RAB1A: variants seen among roughly 807,000 people sequenced by gnomAD.
The protein encoded by RAB1A is ras-related protein Rab-1A.
RAB1A carries 2 observed loss-of-function variants against 26.0 expected under a neutral mutation model. The ratio of observed to expected loss-of-function variants is 0.08; its 90% CI spans 0.03 to 0.24. The LOEUF (loss-of-function observed/expected upper bound fraction) is 0.24, where lower values mean the gene tolerates loss of function less well. Among genes scored for constraint, RAB1A ranks in the 10% least tolerant of loss-of-function variants. The pLI is 1.00. For synonymous variants in RAB1A, 84 were observed against 84.9 expected (o/e 0.99, Z 0.06); for missense variants, 100 against 247.0 (o/e 0.40, Z 3.99).
chr2:65,103,891 G>C (rs1430583936), intron 2 of RAB1A, among the ~76,000 whole-genome samples: 1 of 151,892 alleles, frequency 6.6e-6, no homozygotes, highest in Non-Finnish European at 1.5e-5. Context: ...CGATTCTCCT[G>C]CCTCAGCCTC....
At chr2:65,115,354 C>T (rs1321826355) in intron 1 of RAB1A, among the ~76,000 whole-genome samples, 2 of 152,082 alleles carry the variant, frequency 1.3e-5, no homozygotes, top group Non-Finnish European at 2.9e-5. Flanking sequence ...ATTTTAATAA[C>T]CTTTAGGGGG....
At chr2:65,100,698 G>A (rs932925150) in intron 2 of RAB1A, among the ~76,000 whole-genome samples, 1 of 150,286 alleles carries the variant, frequency 6.7e-6, no homozygotes, top group Non-Finnish European at 1.5e-5. Context: ...GGTGGAGGCT[G>A]CAGTGAGCCG....
chr2:65,109,961 C>T (rs1231017808), intron 1 of RAB1A, among the ~76,000 whole-genome samples: 3 of 152,112 alleles, frequency 2.0e-5, no homozygotes, highest in Admixed American at 1.3e-4. Flanking sequence ...TCTACGTATA[C>T]AAGGATCTAG....
intron 1 of RAB1A, chr2:65,105,511 C>CAAAAAAAAAAAA (rs60594101): frequency 1.5e-4 from 5 of 33,028 alleles, no homozygotes; most frequent in African/African-American, 5.1e-4. Flanking sequence ...AACTCTGTCT[C>CAAAAAAAAAAAA]AAAAAAAAAA....
At chr2:65,115,358 T>C (rs1421630581) in intron 1 of RAB1A, among the ~76,000 whole-genome samples, 1 of 152,188 alleles carries the variant, frequency 6.6e-6, no homozygotes, top group African/African-American at 2.4e-5. Context: ...TAATAACCTT[T>C]AGGGGGTGAA....
chr2:65,089,341 T>C (rs1042871931), intron 4 of RAB1A, among the ~76,000 whole-genome samples: 6 of 151,962 alleles, frequency 3.9e-5, no homozygotes, highest in African/African-American at 1.2e-4. Flanking sequence ...GCCTCCGGGA[T>C]AGCTGGGACT....
At chr2:65,127,794 C>T (rs924874478) in intron 1 of RAB1A, among the ~76,000 whole-genome samples, 2 of 152,052 alleles carry the variant, frequency 1.3e-5, no homozygotes, top group Non-Finnish European at 2.9e-5. Context: ...AGTGCAGTGG[C>T]CAGATCTTGG....
chr2:65,093,682 G>A (rs891965183), intron 3 of RAB1A, among the ~76,000 whole-genome samples: 1 of 150,992 alleles, frequency 6.6e-6, no homozygotes, highest in Non-Finnish European at 1.5e-5. Flanking sequence ...GAGTGCAATG[G>A]CGCAATCTTG....
intron 1 of RAB1A, among the ~76,000 whole-genome samples, chr2:65,111,609 A>G (rs1408443148): frequency 6.6e-6 from 1 of 152,350 alleles, no homozygotes; most frequent in East Asian, 1.9e-4. Context: ...TTAAGTCTAT[A>G]GTTAACACTG....
rs111338283 is a variant in RAB1A, at chr2:65,128,989, AC to A, written c.23+903del. Reference sequence around the variant, plus strand: ...AAAAGAAATGCATTAACTTTTCATGACACGTCATGGAACCTCATTCCCTATC... The same window carrying A: ...AAAAGAAATGCATTAACTTTTCATGAACGTCATGGAACCTCATTCCCTATC... On this transcript the variant is annotated intron_variant, in intron 1 of 5. Coordinates refer to ENST00000409784, the MANE Select transcript of RAB1A (RefSeq NM_004161.5). Among the ~76,000 whole-genome samples the A allele has an allele frequency of 4.3e-3, 650 of 152,252 alleles. 4 individuals carry two copies. The highest frequency in any genetic ancestry group is 0.015 in the African/African-American group (626 of 41,542).
At chr2:65,110,727 A>G (rs925249478) in intron 1 of RAB1A, among the ~76,000 whole-genome samples, 1 of 151,856 alleles carries the variant, frequency 6.6e-6, no homozygotes, top group Non-Finnish European at 1.5e-5. Flanking sequence ...TGAGGCCAGA[A>G]GTTCAAGACC....
At position 65,086,868 on chromosome 2, in the gene RAB1A, T is replaced by A. The variant is rs1242203669; in HGVS notation, c.*1625A>T. 6.6e-6 allele frequency: 1 copy of A among 152,670 alleles called. No homozygotes were observed. Among genetic ancestry groups the A allele is most frequent in the African/African-American group, 2.4e-5 (1 of 41,470 alleles). The allele number at this position is 152,670 out of a possible 1,614,324, so 9.5% of individuals were successfully genotyped here. On this transcript the variant is annotated 3_prime_UTR_variant, in exon 6 of 6. Transcript: ENST00000409784. The stretch of plus-strand genomic sequence containing the variant: ...CACGCCTATAATACAAAGTAAACTA[T>A]GATTTTTATTGTGAAATTTTCATAG...
At chr2:65,107,581 G>A (rs1262877481) in intron 1 of RAB1A, among the ~76,000 whole-genome samples, 1 of 151,984 alleles carries the variant, frequency 6.6e-6, no homozygotes, top group Non-Finnish European at 1.5e-5. Flanking sequence ...CTGCCTCCAG[G>A]TGTTCAAGTG....
rs186577409 is a variant in RAB1A at position 65,104,791 on chromosome 2, C to T, written c.39G>A (p.Lys13=). Residue 13 remains lysine (K), a synonymous_variant, in exon 2 of 6, where the codon AAG becomes AAA. Transcript: ENST00000409784. The part of the protein sequence containing the change: ...SMNPEYDYLF[K]LLLIGDSGVG... ...CCCCTGAGTCGCCAATCAGAAGTAA[C>T]TTGAATAAATAATCACTGCAAAAAG... The T allele has an allele frequency of 6.8e-6, 11 of 1,609,166 alleles. No individual in the cohort carries two copies. The Admixed American group carries it at 1.5e-4, about 22-fold the overall frequency.
chr2:65,104,801 T>C lies in RAB1A; in HGVS notation c.29A>G (p.Tyr10Cys). MSSMNPEYD[Y>C]LFKLLLIGDS... is the part of the protein sequence containing the mutation. ...GCCAATCAGAAGTAACTTGAATAAA[T>C]AATCACTGCAAAAAGAAAAAGAAAA... Residue 10 changes from tyrosine to cysteine, a missense_variant, in exon 2 of 6, where the codon TAT (tyrosine) becomes TGT (cysteine). Tyr to Cys is a radical substitution (Grantham distance 194). Coordinates refer to ENST00000409784, the MANE Select transcript of RAB1A (RefSeq NM_004161.5). 1 of 1,608,906 alleles carries C rather than the reference T, an allele frequency of 6.2e-7. No individual in the cohort carries two copies. The highest frequency in any genetic ancestry group is 8.5e-7 in the Non-Finnish European group (1 of 1,175,776).
chr2:65,112,620 A>C (rs1330306422), intron 1 of RAB1A, among the ~76,000 whole-genome samples: 2 of 152,212 alleles, frequency 1.3e-5, no homozygotes, highest in African/African-American at 4.8e-5. Flanking sequence ...CAGATATTTT[A>C]TTTTAATTTA....
intron 4 of RAB1A, among the ~76,000 whole-genome samples, chr2:65,090,199 C>T (rs1354820936): frequency 4.6e-5 from 7 of 152,136 alleles, no homozygotes; most frequent in Admixed American, 3.9e-4. Context: ...GCAGATATCA[C>T]CCACCCAGCA....
At chr2:65,089,994 C>A (rs749037100) in intron 4 of RAB1A, among the ~76,000 whole-genome samples, 2 of 152,148 alleles carry the variant, frequency 1.3e-5, no homozygotes, top group Admixed American at 1.3e-4. Flanking sequence ...TGAGCCACTG[C>A]GCCTGGCCTG....
At chr2:65,090,420 G>T (rs1033668992) in intron 4 of RAB1A, among the ~76,000 whole-genome samples, 1 of 152,042 alleles carries the variant, frequency 6.6e-6, no homozygotes, top group Non-Finnish European at 1.5e-5. Context: ...ATGGCCCCTG[G>T]ATCACATGCT....
Sources: allele counts gnomAD v4.1 joint callset (sites outside exome capture counted in the v4.1 genomes callset), GRCh38; gene constraint gnomAD v4.1.1; transcripts MANE v1.5; gene names NCBI Gene and HGNC (gene_info 2026-07-23, HGNC 2026-07-21).